Variants in PPP1R1C observed in about 807,000 individuals in gnomAD.
The protein encoded by PPP1R1C is protein phosphatase 1 regulatory subunit 1C.
Under a neutral mutation model 17.4 loss-of-function variants are expected in PPP1R1C, and 15 were observed. That is an observed-to-expected ratio of 0.86 (90% confidence interval 0.58 to 1.33). The LOEUF is 1.33. Ranked by LOEUF, PPP1R1C falls within the 40% of genes most tolerant of loss-of-function variation. PPP1R1C has a pLI of 0.00. For missense variants in PPP1R1C, 143 were observed against 130.0 expected, an observed-to-expected ratio of 1.10 and a Z score of -0.48; for synonymous variants, 35 against 43.1, an observed-to-expected ratio of 0.81 and a Z score of 0.73.
chr2:182,007,680 C>T (rs1685960812), intron 2 of PPP1R1C, among the ~76,000 whole-genome samples: 1 of 152,152 alleles, frequency 6.6e-6, no homozygotes, highest in African/African-American at 2.4e-5. Flanking sequence ...AGGCAAAGTG[C>T]CTGGAGACTA....
intron 4 of PPP1R1C, among the ~76,000 whole-genome samples, chr2:182,070,951 C>CT (rs1688121801): frequency 6.6e-6 from 1 of 152,132 alleles, no homozygotes; most frequent in South Asian, 2.1e-4. Flanking sequence ...CCCTCACACA[C>CT]TATCAGGAGA....
At chr2:182,081,264 T>A (rs940633581) in intron 4 of PPP1R1C, among the ~76,000 whole-genome samples, 2 of 152,132 alleles carry the variant, frequency 1.3e-5, no homozygotes, top group Admixed American at 6.5e-5. Context: ...AAAAGGGGGT[T>A]AAAGGGAACG....
chr2:182,103,137 C>G (rs986769675), intron 4 of PPP1R1C, among the ~76,000 whole-genome samples: 1 of 151,782 alleles, frequency 6.6e-6, no homozygotes, highest in African/African-American at 2.4e-5. Flanking sequence ...TTTATAATGT[C>G]TAAAAGTTGG....
At chr2:182,004,542 C>G (rs1685859778) in intron 2 of PPP1R1C, among the ~76,000 whole-genome samples, 1 of 152,142 alleles carries the variant, frequency 6.6e-6, no homozygotes, top group Admixed American at 6.5e-5. Context: ...AAAGTAGAGG[C>G]AAAAGCCCAG....
intron 2 of PPP1R1C, among the ~76,000 whole-genome samples, chr2:182,045,576 C>G (rs927603160): frequency 2.7e-4 from 41 of 151,994 alleles, no homozygotes; most frequent in Admixed American, 7.2e-4. Context: ...AATAAATTTT[C>G]CATCTATAAC....
At chr2:182,066,948 G>A (rs183853997) in intron 4 of PPP1R1C, among the ~76,000 whole-genome samples, 81 of 72,432 alleles carry the variant, frequency 1.1e-3, no homozygotes, top group Non-Finnish European at 2.5e-3. Flanking sequence ...TTTTGTGTGT[G>A]TGTCTGTGTG....
chr2:182,098,020 A>C (rs551449076), intron 4 of PPP1R1C, among the ~76,000 whole-genome samples: 206 of 151,796 alleles, frequency 1.4e-3, no homozygotes, highest in African/African-American at 4.8e-3. Context: ...GCTTCTGCTT[A>C]GTCCTTCTCT....
At chr2:182,060,360 T>C (rs1166615914) in intron 2 of PPP1R1C, among the ~76,000 whole-genome samples, 1 of 152,108 alleles carries the variant, frequency 6.6e-6, no homozygotes, top group Non-Finnish European at 1.5e-5. Context: ...ATGTATATAT[T>C]TGTGTGCATA....
At chr2:182,098,106 T>G (rs571360792) in intron 4 of PPP1R1C, among the ~76,000 whole-genome samples, 104 of 152,256 alleles carry the variant, frequency 6.8e-4, no homozygotes, top group African/African-American at 2.5e-3. Flanking sequence ...ATATCCTAGA[T>G]GACAATTGAT....
chr2:181,955,690 T>C (rs1684658897), intron 1 of PPP1R1C, among the ~76,000 whole-genome samples: 1 of 152,130 alleles, frequency 6.6e-6, no homozygotes, highest in South Asian at 2.1e-4. Flanking sequence ...ACTAAGCCCT[T>C]TTTTGGGGGA....
chr2:182,024,032 T>C (rs1185035360), intron 2 of PPP1R1C: 2 of 152,174 alleles, frequency 1.3e-5, no homozygotes, highest in African/African-American at 4.8e-5. Flanking sequence ...AGGAGCAATA[T>C]CCACATGATT....
At chr2:182,098,169 C>T (rs766272028) in intron 4 of PPP1R1C, among the ~76,000 whole-genome samples, 1 of 152,046 alleles carries the variant, frequency 6.6e-6, no homozygotes, top group Non-Finnish European at 1.5e-5. Context: ...ATTGAAACAG[C>T]AAATGTAGGC....
chr2:182,082,921 G>A (rs188772474), intron 4 of PPP1R1C, among the ~76,000 whole-genome samples: 16 of 152,154 alleles, frequency 1.1e-4, no homozygotes, highest in Admixed American at 5.9e-4. Context: ...GGGAGACCAC[G>A]GTACCCGGTG....
Position 182,061,744 on chromosome 2 carries a change from A to G in PPP1R1C, c.180+265A>G, listed in dbSNP as rs1164982607. ...GGCAAAATGTGGTATTGACAACTTC[A>G]ATTTATTGAGTGATTATATATGCAC... On this transcript the variant is annotated intron_variant, in intron 3 of 4. Coordinates refer to ENST00000682840, the MANE Select transcript of PPP1R1C (RefSeq NM_001080545.3). Among the ~76,000 whole-genome samples, 4 of 152,080 alleles carry G rather than the reference A, an allele frequency of 2.6e-5. No individual in the cohort carries two copies. The East Asian group carries it at 7.7e-4, about 29-fold the overall frequency.
chr2:182,036,914 A>G (rs1018864327), intron 2 of PPP1R1C, among the ~76,000 whole-genome samples: 3 of 152,244 alleles, frequency 2.0e-5, no homozygotes, highest in East Asian at 1.9e-4. Flanking sequence ...TTCAATAAAG[A>G]TAAGACCTTA....
intron 1 of PPP1R1C, among the ~76,000 whole-genome samples, chr2:181,963,412 G>C (rs893571852): frequency 2.0e-5 from 3 of 152,154 alleles, no homozygotes; most frequent in East Asian, 1.9e-4. Flanking sequence ...GGGCCGAAGC[G>C]GGTGGACCAC....
At position 182,054,569 on chromosome 2, in the gene PPP1R1C, C is replaced by CT. The variant is rs113398204; in HGVS notation, c.143-6863dup. 5.0e-4 allele frequency among the ~76,000 whole-genome samples: 73 copies of CT among 147,288 alleles called. 2 individuals carry two copies. The highest frequency in any genetic ancestry group is 7.8e-4 in the Non-Finnish European group (52 of 66,436). ...ACAGTATGTGACCTTTTGAAATTGG[C>CT]TTTTTTTTTTCACTCAACATAATGC... On this transcript the variant is annotated intron_variant, in intron 2 of 4. Transcript: ENST00000682840.
intron 4 of PPP1R1C, among the ~76,000 whole-genome samples, chr2:182,114,209 T>C (rs544624196): frequency 6.6e-6 from 1 of 152,310 alleles, no homozygotes; most frequent in African/African-American, 2.4e-5. Context: ...CAGCCCTAGC[T>C]GAGTCTGCAC....
intron 2 of PPP1R1C, among the ~76,000 whole-genome samples, chr2:182,044,582 A>G (rs559612714): frequency 3.9e-5 from 6 of 152,190 alleles, no homozygotes; most frequent in Non-Finnish European, 5.9e-5. Context: ...GAAAAAAATG[A>G]TAAGATAGAT....
Sources: gnomAD v4.1 joint callset for allele counts (sites outside exome capture counted in the v4.1 genomes callset) on GRCh38, gnomAD v4.1.1 for gene constraint, MANE v1.5 for transcripts, NCBI Gene and HGNC (gene_info 2026-07-23, HGNC 2026-07-21) for gene names.